Variants in CCDC85C observed in about 807,000 individuals in gnomAD.
CCDC85C encodes the protein coiled-coil domain-containing protein 85C.
Under a neutral mutation model 38.3 loss-of-function variants are expected in CCDC85C, and 18 were observed. The observed-to-expected ratio is 0.47, with a 90% CI of 0.33 to 0.70. The LOEUF is 0.70. CCDC85C is among the 30% of genes least tolerant of loss of function. The probability of loss-of-function intolerance (pLI) is 0.03; values close to 1 mark genes in which losing one functional copy is unlikely to be tolerated. For synonymous variants in CCDC85C, 264 were observed against 293.8 expected, an observed-to-expected ratio of 0.90 and a Z score of 1.04; for missense variants, 566 against 621.2, an observed-to-expected ratio of 0.91 and a Z score of 0.94.
At chr14:99,561,630 C>T (rs1394864021) in intron 1 of CCDC85C, among the ~76,000 whole-genome samples, 1 of 152,184 alleles carries the variant, frequency 6.6e-6, no homozygotes, top group South Asian at 2.1e-4. Flanking sequence ...TGCGAGCGGG[C>T]AGACCCTCCA....
intron 3 of CCDC85C, among the ~76,000 whole-genome samples, chr14:99,521,335 G>A (rs889251113): frequency 6.6e-6 from 1 of 152,230 alleles, no homozygotes; most frequent in Non-Finnish European, 1.5e-5. Flanking sequence ...GGCAGCAAAA[G>A]AGAAATCGCA....
chr14:99,522,554 ACC>A (rs1392353430), intron 2 of CCDC85C: 1 of 227,132 alleles, frequency 4.4e-6, no homozygotes, highest in African/African-American at 2.3e-5. Flanking sequence ...TGTCTCTCCC[ACC>A]CCGTGACTCA....
chr14:99,577,266 C>T (rs77404703), intron 1 of CCDC85C, among the ~76,000 whole-genome samples: 11 of 151,726 alleles, frequency 7.2e-5, no homozygotes, highest in African/African-American at 2.4e-4. Flanking sequence ...GGCCACTATG[C>T]GCCTCCGGTT....
rs1428892972 is a variant in CCDC85C at position 99,604,109 on chromosome 14, C to G, written c.-150G>C. The G allele has an allele frequency of 6.3e-6, 5 of 789,688 alleles. No individual in the cohort carries two copies. In the South Asian group the frequency reaches 2.8e-4, roughly 45 times the overall value. The allele number at this position is 789,688 out of a possible 1,614,324, so 48.9% of individuals were successfully genotyped here. A position where few individuals can be genotyped will look rare whatever the true frequency, so the allele number is the denominator to read the frequency against. On this transcript the variant is annotated 5_prime_UTR_variant, in exon 1 of 6. Coordinates refer to ENST00000380243, the MANE Select transcript of CCDC85C (RefSeq NM_001144995.2). Reference sequence around the variant, plus strand: ...CGCCGCCTGGCGCGTCCTCTCGCCGCGCCCGCCGGGGCCGCCCGGGAGCCC... The same window carrying G: ...CGCCGCCTGGCGCGTCCTCTCGCCGGGCCCGCCGGGGCCGCCCGGGAGCCC...
chr14:99,540,137 A>G (rs1897683384), intron 1 of CCDC85C, among the ~76,000 whole-genome samples: 1 of 140,196 alleles, frequency 7.1e-6, no homozygotes, highest in East Asian at 2.1e-4. Context: ...ACAGAGCGAG[A>G]CTGTCTTTAA....
In CCDC85C at chr14:99,516,147, C is replaced by T; in HGVS notation, c.1170+41G>A. ...CATGCTGGGTGGCCCTGGTCGCACT[C>T]CCAGTGCCAAGCCTCTGCCCCCCAC... On this transcript the variant is annotated intron_variant, in intron 5 of 5. Transcript: ENST00000380243. This position sits in a 1 kb window ranked among gnomAD's most constrained non-coding sequence, Gnocchi z 5.5. The T allele has an allele frequency of 2.0e-6, 3 of 1,471,142 alleles. No individual in the cohort carries two copies. The highest frequency in any genetic ancestry group is 2.8e-6 in the Non-Finnish European group (3 of 1,074,748). The allele number at this position is 1,471,142 out of a possible 1,614,324, so 91.1% of individuals were successfully genotyped here.
In CCDC85C at chr14:99,516,321, G is replaced by A; in HGVS notation, c.1072-35C>T. ...ACGGGTCTCGGGGTCAGGGGCAGAG[G>A]CCACCGGCAGACCTCGGGCAAGTCA... On this transcript the variant is annotated intron_variant, in intron 4 of 5. Coordinates refer to ENST00000380243, the MANE Select transcript of CCDC85C (RefSeq NM_001144995.2). The surrounding 1 kb of genome is among the most constrained non-coding windows in gnomAD (Gnocchi z 5.5). 6.8e-7 allele frequency: 1 copy of A among 1,478,424 alleles called. No homozygotes were observed. Among genetic ancestry groups the A allele is most frequent in the East Asian group, 2.5e-5 (1 of 40,496 alleles). 91.6% of individuals were successfully genotyped at this position (1,478,424 alleles called of 1,614,324 possible). A position where few individuals can be genotyped will look rare whatever the true frequency, so the allele number is the denominator to read the frequency against.
intron 1 of CCDC85C, 99 bp from the exon 2 acceptor site, chr14:99,536,187 G>A (rs531351950): frequency 6.1e-4 from 506 of 830,438 alleles, no homozygotes; most frequent in Non-Finnish European, 9.4e-4. Context: ...GAAGGTTTGG[G>A]TCTGAGGAGT....
chr14:99,519,660 G>A (rs116359705), intron 3 of CCDC85C, among the ~76,000 whole-genome samples: 4 of 152,292 alleles, frequency 2.6e-5, no homozygotes, highest in African/African-American at 9.6e-5. Context: ...CGATCCAAAT[G>A]TACAGCAACA....
Position 99,603,260 on chromosome 14 carries a change from T to C in CCDC85C, c.700A>G (p.Lys234Glu). 1.4e-6 allele frequency: 2 copies of C among 1,389,060 alleles called. No individual in the cohort carries two copies. 86.0% of individuals were successfully genotyped at this position (1,389,060 alleles called of 1,614,324 possible). A position where few individuals can be genotyped will look rare whatever the true frequency, so the allele number is the denominator to read the frequency against. The change falls in exon 1 of 6, where the codon AAG (lysine) becomes GAG (glutamate). Residue 234 changes from lysine (K) to glutamate (E), a missense_variant. Around this residue, in one of 3 missense-constraint regions of CCDC85C, gnomAD observed 286 missense variants for 276.4 expected, o/e 1.03. Transcript: ENST00000380243. This position sits in a 1 kb window ranked among gnomAD's most constrained non-coding sequence, Gnocchi z 7.5. ...GCTCCTGCCTTGCCGTCGGGGGCCT[T>C]GTGCGGCCCGGGGGGCAGCAGCGGG... ...PPPLLPPGPH[K>E]APDGKAGATR...
chr14:99,571,310 G>C (rs1898336629), intron 1 of CCDC85C, among the ~76,000 whole-genome samples: 1 of 151,176 alleles, frequency 6.6e-6, no homozygotes, highest in South Asian at 2.1e-4. Context: ...AGAGCTACTG[G>C]AACAGGCACA....
chr14:99,587,679 G>A (rs1378366161), intron 1 of CCDC85C, among the ~76,000 whole-genome samples: 1 of 152,266 alleles, frequency 6.6e-6, no homozygotes, highest in Middle Eastern at 3.4e-3. Flanking sequence ...AGCACCTGAG[G>A]GCAGCCACGC....
rs1337245073 is a variant in CCDC85C at position 99,572,489 on chromosome 14, G to A, written c.793+30678C>T. Among the ~76,000 whole-genome samples, 5 of 142,602 alleles carry A rather than the reference G, an allele frequency of 3.5e-5. No homozygotes were observed. Among genetic ancestry groups the A allele is most frequent in the African/African-American group, 8.0e-5 (3 of 37,528 alleles). The allele number at this position is 142,602 out of a possible 152,430, so 93.6% of individuals were successfully genotyped here. On this transcript the variant is annotated intron_variant, in intron 1 of 5. Coordinates refer to ENST00000380243, the MANE Select transcript of CCDC85C (RefSeq NM_001144995.2). This position sits in a 1 kb window ranked among gnomAD's most constrained non-coding sequence, Gnocchi z 4.4. ...ATAAATGATCAGGTATCACACCTCC[G>A]CCAGGCTTTAGATAAAATCCCAACC...
Position 99,588,017 on chromosome 14 carries a change from C to T in CCDC85C, c.793+15150G>A, listed in dbSNP as rs576237663. ...TGGTCTCCCCTCAGCCCTTCCAGCT[C>T]GCCTGTGCCTGCCAGCCCTCACTTG... On this transcript the variant is annotated intron_variant, in intron 1 of 5. Transcript: ENST00000380243. The surrounding 1 kb of genome is among the most constrained non-coding windows in gnomAD (Gnocchi z 5.0). 4.6e-5 allele frequency among the ~76,000 whole-genome samples: 7 copies of T among 152,182 alleles called. No individual in the cohort carries two copies. Among genetic ancestry groups the T allele is most frequent in the Admixed American group, 1.3e-4 (2 of 15,286 alleles).
chr14:99,572,830 G>C lies in CCDC85C; in HGVS notation c.793+30337C>G. On this transcript the variant is annotated intron_variant, in intron 1 of 5. Transcript: ENST00000380243. The surrounding 1 kb of genome is among the most constrained non-coding windows in gnomAD (Gnocchi z 4.4). The stretch of plus-strand genomic sequence containing the variant: ...AAGTATCCCAGGAGCATGGAAACGG[G>C]GCCTGGTGTGCAACAGGTGCTCAGT... The C allele has an allele frequency of 2.2e-6, 1 of 456,106 alleles. No homozygotes were observed. The highest frequency in any genetic ancestry group is 1.5e-5 in the South Asian group (1 of 64,558). 28.3% of individuals were successfully genotyped at this position (456,106 alleles called of 1,614,324 possible).
chr14:99,539,227 T>G (rs145858475), intron 1 of CCDC85C, among the ~76,000 whole-genome samples: 2,719 of 152,222 alleles, frequency 0.018, 86 homozygotes, highest in African/African-American at 0.062. Context: ...TCCCAGCAAT[T>G]TGGGAGGCCG....
chr14:99,527,031 A>ACAGGGCAGGGGT (rs1280051813), intron 2 of CCDC85C, among the ~76,000 whole-genome samples: 3 of 152,266 alleles, frequency 2.0e-5, no homozygotes, highest in Admixed American at 6.5e-5. Context: ...AGGATGCAGG[A>ACAGGGCAGGGGT]CAGGGCAGGG....
At chr14:99,543,305 A>T (rs1385543919) in intron 1 of CCDC85C, among the ~76,000 whole-genome samples, 3 of 152,194 alleles carry the variant, frequency 2.0e-5, no homozygotes, top group Non-Finnish European at 2.9e-5. Context: ...GGAAAAAAGG[A>T]ATGCTCAGAG....
chr14:99,517,103 G>A lies in CCDC85C; in HGVS notation c.1056C>T (p.Val352=), dbSNP rs1001900878. 68 of 1,550,348 alleles carry A rather than the reference G, an allele frequency of 4.4e-5. No homozygotes were observed. In the Admixed American group the frequency reaches 5.1e-4, roughly 12 times the overall value. The change falls in exon 4 of 6, where the codon GTC becomes GTT. Residue 352 remains valine, a synonymous_variant. Coordinates refer to ENST00000380243, the MANE Select transcript of CCDC85C (RefSeq NM_001144995.2). The part of the protein sequence containing the change: ...YSPAGQKPEA[V]VHAMKVLEVH... ...TGGCCCTCACCTTCATGGCATGCAC[G>A]ACAGCCTCGGGCTTCTGTCCTGCAG...
Sources: gnomAD v4.1 joint callset for allele counts (sites outside exome capture counted in the v4.1 genomes callset) on GRCh38, gnomAD v4.1.1 for gene constraint, gnomAD v4.1.1 regional missense constraint, Gnocchi (gnomAD v3.1) non-coding constraint, MANE v1.5 for transcripts, NCBI Gene and HGNC (gene_info 2026-07-23, HGNC 2026-07-21) for gene names.